The following FSD1L variants were observed in gnomAD, a reference collection of about 807,000 sequenced individuals.
FSD1L encodes FSD1-like protein.
Under a neutral mutation model 71.6 loss-of-function variants are expected in FSD1L, and 45 were observed. That is an observed-to-expected ratio of 0.63 (90% CI 0.49 to 0.81). FSD1L has a LOEUF of 0.81. Among genes scored for constraint, FSD1L ranks in the 30% least tolerant of loss-of-function variants. The probability of loss-of-function intolerance (pLI) is 0.00; values close to 1 mark genes in which losing one functional copy is unlikely to be tolerated. For missense variants in FSD1L, 561 were observed against 618.1 expected (o/e 0.91, Z 0.98); for synonymous variants, 197 against 207.2 (o/e 0.95, Z 0.42).
chr9:105,480,867 A>G (rs966750327), intron 6 of FSD1L, among the ~76,000 whole-genome samples: 4 of 152,144 alleles, frequency 2.6e-5, no homozygotes, highest in African/African-American at 4.8e-5. Flanking sequence ...TCTAGTTCCT[A>G]ATTTTCTGAA....
chr9:105,445,936 C>A (rs751924636), upstream of FSD1L, among the ~76,000 whole-genome samples: 13 of 152,244 alleles, frequency 8.5e-5, no homozygotes, highest in Admixed American at 1.3e-4. Context: ...GACCCTGGCT[C>A]TCTAAGCACT....
intron 7 of FSD1L, among the ~76,000 whole-genome samples, chr9:105,499,596 T>G (rs1462235437): frequency 6.6e-6 from 1 of 151,900 alleles, no homozygotes; most frequent in Non-Finnish European, 1.5e-5. Context: ...TTTCAAGTGT[T>G]TTCCTTGTCT....
intron 10 of FSD1L, among the ~76,000 whole-genome samples, chr9:105,528,301 A>C (rs1167773663): frequency 6.6e-6 from 1 of 152,108 alleles, no homozygotes; most frequent in Admixed American, 6.6e-5. Context: ...TTTAAACTTC[A>C]TATGGAACCG....
chr9:105,448,725 A>G (rs1829792883), intron 1 of FSD1L, among the ~76,000 whole-genome samples: 1 of 151,800 alleles, frequency 6.6e-6, no homozygotes. Context: ...TCTCCTTTGT[A>G]CCGCCCACCG....
In FSD1L at chr9:105,511,438, A is replaced by G. The variant is rs564342145; in HGVS notation, c.896-1369A>G. The stretch of plus-strand genomic sequence containing the variant: ...GATGTTAACTTTATTAAGGCAGTTC[A>G]TTCTTGGAAATGCAGGGTATAAGTT... On this transcript the variant is annotated intron_variant, in intron 9 of 13. Coordinates refer to ENST00000481272, the MANE Select transcript of FSD1L (RefSeq NM_001145313.3). Among the ~76,000 whole-genome samples, 45 of 152,242 alleles carry G rather than the reference A, an allele frequency of 3.0e-4. No homozygotes were observed. The South Asian group carries it at 9.1e-3, about 31-fold the overall frequency.
chr9:105,518,167 C>A (rs1834858005), intron 10 of FSD1L, among the ~76,000 whole-genome samples: 1 of 152,150 alleles, frequency 6.6e-6, no homozygotes, highest in South Asian at 2.1e-4. Flanking sequence ...AAAGCAAGTT[C>A]TTAGAGACCA....
intron 2 of FSD1L, among the ~76,000 whole-genome samples, chr9:105,463,737 T>A (rs1830872672): frequency 6.6e-6 from 1 of 152,258 alleles, no homozygotes; most frequent in South Asian, 2.1e-4. Context: ...CTACAGCATC[T>A]GTAAATATTG....
Position 105,478,909 on chromosome 9 carries a change from C to T in FSD1L, c.442-445C>T, listed in dbSNP as rs543946548. ...GGCATATAGAGAAAACTTGGAACAA[C>T]GATTATGAAGTAGTGAAAGAGATCT... On this transcript the variant is annotated intron_variant, in intron 5 of 13. Transcript: ENST00000481272. 6.6e-5 allele frequency among the ~76,000 whole-genome samples: 10 copies of T among 152,134 alleles called. No homozygotes were observed. The South Asian group carries it at 1.2e-3, about 19-fold the overall frequency.
chr9:105,470,647 C>T (rs1251866351), intron 4 of FSD1L, among the ~76,000 whole-genome samples: 1 of 151,882 alleles, frequency 6.6e-6, no homozygotes, highest in Non-Finnish European at 1.5e-5. Flanking sequence ...CATATGTTGT[C>T]TTTCTATCTT....
rs529534257 is a variant in FSD1L, at chr9:105,545,034, C to T, written c.1468-1324C>T. Among the ~76,000 whole-genome samples the T allele has an allele frequency of 1.5e-4, 23 of 152,178 alleles. 1 individual carries two copies. The highest frequency in any genetic ancestry group is 1.0e-3 in the Admixed American group (16 of 15,282). On this transcript the variant is annotated intron_variant, in intron 13 of 13. Coordinates refer to ENST00000481272, the MANE Select transcript of FSD1L (RefSeq NM_001145313.3). Reference sequence around the variant, plus strand: ...ACCTTGGGCAGTATGACCATTTTCACGATATTGATTCTTCCTATCCATGAG... The same window carrying T: ...ACCTTGGGCAGTATGACCATTTTCATGATATTGATTCTTCCTATCCATGAG...
intron 7 of FSD1L, among the ~76,000 whole-genome samples, chr9:105,491,746 A>C (rs919706872): frequency 6.6e-6 from 1 of 152,114 alleles, no homozygotes; most frequent in Non-Finnish European, 1.5e-5. Context: ...TTCTGCATCT[A>C]TTGAGATAAT....
chr9:105,461,519 G>C lies in FSD1L; in HGVS notation c.16-1G>C, dbSNP rs1330099072. On this transcript the variant is annotated splice_acceptor_variant, in intron 1 of 13. Coordinates refer to ENST00000481272, the MANE Select transcript of FSD1L (RefSeq NM_001145313.3). LOFTEE classifies it high-confidence loss of function. ...GCTCCTACTGTATTTATATTGGACAGTACTGCTTTAAGGAGAATGAAAACG... is the reference window on the plus strand; with the variant it reads ...GCTCCTACTGTATTTATATTGGACACTACTGCTTTAAGGAGAATGAAAACG... 6.5e-7 allele frequency: 1 copy of C among 1,541,462 alleles called. No homozygotes were observed. Among genetic ancestry groups the C allele is most frequent in the African/African-American group, 1.4e-5 (1 of 72,826 alleles).
intron 7 of FSD1L, among the ~76,000 whole-genome samples, chr9:105,504,972 A>G (rs72744267): frequency 0.034 from 5,148 of 152,296 alleles, 127 homozygotes; most frequent in South Asian, 0.087. Context: ...TTCCCCTGTT[A>G]TTACTATTCT....
intron 7 of FSD1L, among the ~76,000 whole-genome samples, chr9:105,488,758 G>A (rs1361351748): frequency 1.4e-5 from 2 of 147,896 alleles, no homozygotes; most frequent in Admixed American, 6.7e-5. Context: ...TATACTTACT[G>A]TCTGTATGTC....
At chr9:105,482,377 G>T (rs1832265480) in intron 6 of FSD1L, among the ~76,000 whole-genome samples, 2 of 152,154 alleles carry the variant, frequency 1.3e-5, no homozygotes, top group Admixed American at 6.5e-5. Flanking sequence ...AAAGAGAGGG[G>T]TTATGAAAGA....
chr9:105,513,818 T>C (rs1834540409), intron 10 of FSD1L, among the ~76,000 whole-genome samples: 1 of 152,250 alleles, frequency 6.6e-6, no homozygotes, highest in African/African-American at 2.4e-5. Flanking sequence ...GTGTGCTGCA[T>C]ATTATTTGGA....
chr9:105,467,151 C>T (rs1295037858), intron 3 of FSD1L, among the ~76,000 whole-genome samples: 1 of 152,122 alleles, frequency 6.6e-6, no homozygotes, highest in Non-Finnish European at 1.5e-5. Context: ...CTGCACATTC[C>T]ACTTCTATAG....
rs770485348 is a variant in FSD1L at position 105,534,482 on chromosome 9, T to C, written c.1026-11T>C. The C allele has an allele frequency of 5.4e-5, 78 of 1,440,278 alleles. No individual in the cohort carries two copies. Among genetic ancestry groups the C allele is most frequent in the Middle Eastern group, 1.8e-4 (1 of 5,708 alleles). 89.2% of individuals were successfully genotyped at this position (1,440,278 alleles called of 1,614,324 possible). A position where few individuals can be genotyped will look rare whatever the true frequency, so the allele number is the denominator to read the frequency against. On this transcript the variant is annotated splice_polypyrimidine_tract_variant and intron_variant, in intron 10 of 13. Coordinates refer to ENST00000481272, the MANE Select transcript of FSD1L (RefSeq NM_001145313.3). ...AATATTTGTTTTTCTTTTTTCTTTT[T>C]GTTTATATAGAAGTGGTACACCATC...
intron 9 of FSD1L, among the ~76,000 whole-genome samples, chr9:105,509,578 T>C (rs1188838067): frequency 6.6e-6 from 1 of 152,166 alleles, no homozygotes; most frequent in Non-Finnish European, 1.5e-5. Flanking sequence ...CTAGTTCATA[T>C]AGCATTTGAA....
Sources: gnomAD v4.1 joint callset for allele counts (sites outside exome capture counted in the v4.1 genomes callset) on GRCh38, gnomAD v4.1.1 for gene constraint, MANE v1.5 for transcripts, NCBI Gene and HGNC (gene_info 2026-07-23, HGNC 2026-07-21) for gene names.